OR4F15: variants seen among roughly 807,000 people sequenced by gnomAD.
OR4F15 encodes olfactory receptor 4F15.
Under a neutral mutation model 11.9 loss-of-function variants are expected in OR4F15, and 7 were observed. The observed-to-expected ratio is 0.59, with a 90% CI of 0.33 to 1.10. The LOEUF is 1.10. Ranked by LOEUF, OR4F15 falls within the 50% of genes least tolerant of loss-of-function variation. The pLI is 0.03. For missense variants in OR4F15, 445 were observed against 377.5 expected (o/e 1.18, Z -1.48); for synonymous variants, 151 against 134.6 (o/e 1.12, Z -0.84).
chr15:101,814,277 C>G (rs1442132893), intron 1 of OR4F15, among the ~76,000 whole-genome samples: 7 of 152,188 alleles, frequency 4.6e-5, no homozygotes. Context: ...ATTACTCTGT[C>G]TCCTGAAGCA....
At chr15:101,814,385 T>C (rs1902955485) in intron 1 of OR4F15, among the ~76,000 whole-genome samples, 1 of 152,178 alleles carries the variant, frequency 6.6e-6, no homozygotes, top group Non-Finnish European at 1.5e-5. Flanking sequence ...ATGCATGCGA[T>C]CTCCACTAAG....
intron 1 of OR4F15, among the ~76,000 whole-genome samples, chr15:101,815,375 G>A (rs1001040988): frequency 2.0e-5 from 3 of 152,024 alleles, no homozygotes; most frequent in African/African-American, 7.2e-5. Flanking sequence ...TCAATACAAA[G>A]AATCATGGTA....
In OR4F15 at chr15:101,819,151, C is replaced by A. The variant is rs773737954; in HGVS notation, c.*26C>A. The stretch of plus-strand genomic sequence containing the variant: ...ATGGCTTGGCTGTCAAGATGTGTAA[C>A]TATGGATTACTCCTCATGCTGATTG... On this transcript the variant is annotated 3_prime_UTR_variant, in exon 2 of 2. Coordinates refer to ENST00000332238, the MANE Select transcript of OR4F15 (RefSeq NM_001001674.2). 3 of 1,435,136 alleles carry A rather than the reference C, an allele frequency of 2.1e-6. No homozygotes were observed. The South Asian group carries it at 3.8e-5, about 18-fold the overall frequency. 88.9% of individuals were successfully genotyped at this position (1,435,136 alleles called of 1,614,324 possible). A position where few individuals can be genotyped will look rare whatever the true frequency, so the allele number is the denominator to read the frequency against.
In OR4F15 at chr15:101,820,144, T is replaced by C. The variant is rs1903080851; in HGVS notation, c.*1019T>C. 6.6e-6 allele frequency: 1 copy of C among 152,180 alleles called. No individual in the cohort carries two copies. Among genetic ancestry groups the C allele is most frequent in the Non-Finnish European group, 1.5e-5 (1 of 68,032 alleles). The allele number at this position is 152,180 out of a possible 1,614,324, so 9.4% of individuals were successfully genotyped here. On this transcript the variant is annotated 3_prime_UTR_variant, in exon 2 of 2. Coordinates refer to ENST00000332238, the MANE Select transcript of OR4F15 (RefSeq NM_001001674.2). Reference sequence around the variant, plus strand: ...AGGTCAGTGCCCTTTCACTTTCAGATCAATTTTGTTTTTGATTTGATGTTC... The same window carrying C: ...AGGTCAGTGCCCTTTCACTTTCAGACCAATTTTGTTTTTGATTTGATGTTC...
At chr15:101,814,467 CA>C (rs1902956968) in intron 1 of OR4F15, among the ~76,000 whole-genome samples, 1 of 152,140 alleles carries the variant, frequency 6.6e-6, no homozygotes, top group Admixed American at 6.5e-5. Flanking sequence ...GTAAGCAAAA[CA>C]AGGGACTTTA....
Position 101,818,898 on chromosome 15 carries a change from T to C in OR4F15, c.712T>C (p.Ser238Pro). Residue 238 changes from serine (S) to proline (P), a missense_variant, in exon 2 of 2, where the codon TCT becomes CCT. Physicochemically the swap from Ser to Pro is moderately conservative, Grantham distance 74. Coordinates refer to ENST00000332238, the MANE Select transcript of OR4F15 (RefSeq NM_001001674.2). The stretch of plus-strand genomic sequence containing the variant: ...TTCTGGTGGTCTAGCCAAGGCCCTC[T>C]CTACCCTGTCAGCTCATGTCACTGT... ...HSSGGLAKAL[S>P]TLSAHVTVVI... The C allele has an allele frequency of 6.2e-7, 1 of 1,614,190 alleles. No homozygotes were observed. The highest frequency in any genetic ancestry group is 8.5e-7 in the Non-Finnish European group (1 of 1,180,022).
At chr15:101,813,605 A>G (rs1423268573) in intron 1 of OR4F15, among the ~76,000 whole-genome samples, 3 of 151,878 alleles carry the variant, frequency 2.0e-5, no homozygotes, top group African/African-American at 7.3e-5. Context: ...CATTTCCTGG[A>G]TGGGTAAATA....
At position 101,813,427 on chromosome 15, in the gene OR4F15, TA is replaced by T. The variant is rs112425282; in HGVS notation, c.-38+1158del. On this transcript the variant is annotated intron_variant, in intron 1 of 1. Transcript: ENST00000332238. The stretch of plus-strand genomic sequence containing the variant: ...GGGAGGCTGAGGCTACAGAATCGCT[TA>T]AACCTAGGAGGTGGAGGTTGCAGTG... Among the ~76,000 whole-genome samples, 205 of 150,922 alleles carry T rather than the reference TA, an allele frequency of 1.4e-3. 3 individuals carry two copies. The highest frequency in any genetic ancestry group is 4.7e-3 in the African/African-American group (193 of 41,012).
chr15:101,817,846 G>A (rs907292120), intron 1 of OR4F15, among the ~76,000 whole-genome samples: 5 of 152,132 alleles, frequency 3.3e-5, no homozygotes, highest in Non-Finnish European at 7.4e-5. Flanking sequence ...ATTTAAAGAT[G>A]ACCTTATATC....
rs1003232281 is a variant in OR4F15, at chr15:101,813,189, A to G, written c.-38+917A>G. Among the ~76,000 whole-genome samples, 24 of 152,136 alleles carry G rather than the reference A, an allele frequency of 1.6e-4. 1 individual carries two copies. In the East Asian group the frequency reaches 4.4e-3, roughly 28 times the overall value. ...GATGGAGATTTCCTTTTTGTAAGAG[A>G]ACATTTGGACTTTTATGTTAATGAG... On this transcript the variant is annotated intron_variant, in intron 1 of 1. Transcript: ENST00000332238.
At chr15:101,817,862 C>T (rs1903017596) in intron 1 of OR4F15, among the ~76,000 whole-genome samples, 1 of 152,054 alleles carries the variant, frequency 6.6e-6, no homozygotes, top group African/African-American at 2.4e-5. Context: ...ATATCTCACC[C>T]AAATAGAACA....
rs1902919312 is a variant in OR4F15 at position 101,812,221 on chromosome 15, C to T, written c.-89C>T. On this transcript the variant is annotated 5_prime_UTR_variant, in exon 1 of 2. Transcript: ENST00000332238. ...TACAAGGTAAGGATGGCATGAAGTTCACAATGGGAGCATGATAAACTAGAT... is the reference window on the plus strand; with the variant it reads ...TACAAGGTAAGGATGGCATGAAGTTTACAATGGGAGCATGATAAACTAGAT... 6.6e-6 allele frequency: 1 copy of T among 152,182 alleles called. No individual in the cohort carries two copies. 9.4% of individuals were successfully genotyped at this position (152,182 alleles called of 1,614,324 possible).
In OR4F15 at chr15:101,819,924, T is replaced by C. The variant is rs1169975457; in HGVS notation, c.*799T>C. ...CCACCTTATCAGGCTTCTTTGGCCA[T>C]CTACAAAATTGTTAGTCCTATATTT... On this transcript the variant is annotated 3_prime_UTR_variant, in exon 2 of 2. Transcript: ENST00000332238. The C allele has an allele frequency of 6.6e-6, 1 of 152,240 alleles. No homozygotes were observed. The highest frequency in any genetic ancestry group is 1.5e-5 in the Non-Finnish European group (1 of 68,058). The allele number at this position is 152,240 out of a possible 1,614,324, so 9.4% of individuals were successfully genotyped here.
rs757625398 is a variant in OR4F15 at position 101,819,487 on chromosome 15, C to CTATT, written c.*377_*380dup. The CTATT allele has an allele frequency of 9.3e-4, 142 of 152,074 alleles. 1 individual carries two copies. Among genetic ancestry groups the CTATT allele is most frequent in the Non-Finnish European group, 1.1e-3 (78 of 71,832 alleles). 9.4% of individuals were successfully genotyped at this position (152,074 alleles called of 1,614,324 possible). On this transcript the variant is annotated 3_prime_UTR_variant, in exon 2 of 2. Coordinates refer to ENST00000332238, the MANE Select transcript of OR4F15 (RefSeq NM_001001674.2). ...ATTCAATCTGTTTACCACCTAACTC[C>CTATT]TATTTATTTATTTATTTAGTTAGTT...
intron 1 of OR4F15, among the ~76,000 whole-genome samples, chr15:101,813,528 G>GC (rs1902940263): frequency 3.8e-5 from 5 of 130,126 alleles, no homozygotes; most frequent in Non-Finnish European, 8.4e-5. Flanking sequence ...AAAAAAAAAT[G>GC]CATGATACCT....
In OR4F15 at chr15:101,819,175, T is replaced by G; in HGVS notation, c.*50T>G. On this transcript the variant is annotated 3_prime_UTR_variant, in exon 2 of 2. Coordinates refer to ENST00000332238, the MANE Select transcript of OR4F15 (RefSeq NM_001001674.2). ...ACTATGGATTACTCCTCATGCTGAT[T>G]GCATAAAAGAAACTGCAATTTCAGA... 1 of 1,254,076 alleles carries G rather than the reference T, an allele frequency of 8.0e-7. No individual in the cohort carries two copies. Among genetic ancestry groups the G allele is most frequent in the Non-Finnish European group, 1.1e-6 (1 of 908,836 alleles). 77.7% of individuals were successfully genotyped at this position (1,254,076 alleles called of 1,614,324 possible).
chr15:101,812,750 T>G (rs923720359), intron 1 of OR4F15, among the ~76,000 whole-genome samples: 1 of 152,192 alleles, frequency 6.6e-6, no homozygotes, highest in African/African-American at 2.4e-5. Flanking sequence ...ACATCTGGGT[T>G]TTTAACTCAC....
chr15:101,818,136 C>A lies in OR4F15; in HGVS notation c.-37-14C>A, dbSNP rs183729410. Reference sequence around the variant, plus strand: ...TGCCTAGGTAATTCTTTCTCATTTTCTTTCTTCCTTCAGGTAAGTAACATG... The same window carrying A: ...TGCCTAGGTAATTCTTTCTCATTTTATTTCTTCCTTCAGGTAAGTAACATG... On this transcript the variant is annotated splice_polypyrimidine_tract_variant and intron_variant, in intron 1 of 1. Coordinates refer to ENST00000332238, the MANE Select transcript of OR4F15 (RefSeq NM_001001674.2). 3.4e-6 allele frequency: 4 copies of A among 1,188,970 alleles called. No individual in the cohort carries two copies. The highest frequency in any genetic ancestry group is 4.8e-6 in the Non-Finnish European group (4 of 830,162). The allele number at this position is 1,188,970 out of a possible 1,614,324, so 73.7% of individuals were successfully genotyped here.
chr15:101,817,412 T>C lies in OR4F15; in HGVS notation c.-37-738T>C, dbSNP rs546019217. ...TGTGAAACACTTATTATGTGACTGA[T>C]TGTGTTGGTCACAAGTGGTGATTGT... On this transcript the variant is annotated intron_variant, in intron 1 of 1. Transcript: ENST00000332238. 3.7e-4 allele frequency among the ~76,000 whole-genome samples: 56 copies of C among 152,258 alleles called. No homozygotes were observed. The South Asian group carries it at 5.8e-3, about 16-fold the overall frequency.
Sources: gnomAD v4.1 joint callset for allele counts (sites outside exome capture counted in the v4.1 genomes callset) on GRCh38, gnomAD v4.1.1 for gene constraint, MANE v1.5 for transcripts, NCBI Gene and HGNC (gene_info 2026-07-23, HGNC 2026-07-21) for gene names.